The following NKAIN2 variants were observed in gnomAD, a reference collection of about 807,000 sequenced individuals.
NKAIN2 encodes the protein sodium/potassium-transporting ATPase subunit beta-1-interacting protein 2.
In NKAIN2, 14 loss-of-function variants were observed where a neutral mutation model predicts 32.6. The observed-to-expected ratio is 0.43, with a 90% confidence interval of 0.28 to 0.67. The LOEUF (loss-of-function observed/expected upper bound fraction) is 0.67, where lower values mean the gene tolerates loss of function less well. NKAIN2 is among the 30% of genes least tolerant of loss of function. NKAIN2 has a pLI of 0.17. For synonymous variants in NKAIN2, 80 were observed against 87.2 expected, an observed-to-expected ratio of 0.92 and a Z score of 0.46; for missense variants, 198 against 258.3, an observed-to-expected ratio of 0.77 and a Z score of 1.60.
rs10679200 is a variant in NKAIN2, at chr6:124,371,693, C to CAAA, written c.273+16363_273+16365dup. On this transcript the variant is annotated intron_variant, in intron 3 of 6. Transcript: ENST00000368417. ...TGGGGGAGAGAGCAAGACTCTGTCT[C>CAAA]AAAAAAAAAAAAAAAAAAAGAAAGA... Among the ~76,000 whole-genome samples the CAAA allele has an allele frequency of 3.9e-3, 370 of 95,488 alleles. 6 individuals are homozygous for CAAA. Among genetic ancestry groups the CAAA allele is most frequent in the East Asian group, 0.015 (50 of 3,386 alleles). The allele number at this position is 95,488 out of a possible 152,430, so 62.6% of individuals were successfully genotyped here. A position where few individuals can be genotyped will look rare whatever the true frequency, so the allele number is the denominator to read the frequency against.
intron 1 of NKAIN2, among the ~76,000 whole-genome samples, chr6:124,003,576 G>A (rs184827515): frequency 1.7e-4 from 26 of 152,222 alleles, no homozygotes; most frequent in African/African-American, 6.0e-4. Flanking sequence ...TTTTAATTCT[G>A]GGGGCATTAA....
chr6:124,333,367 A>G (rs755318487), intron 2 of NKAIN2, among the ~76,000 whole-genome samples: 32 of 152,284 alleles, frequency 2.1e-4, no homozygotes, highest in Non-Finnish European at 3.7e-4. Context: ...GGGAATAAAA[A>G]ATAAATGAAC....
intron 4 of NKAIN2, among the ~76,000 whole-genome samples, chr6:124,709,049 G>A (rs1330224063): frequency 1.6e-5 from 2 of 124,344 alleles, no homozygotes; most frequent in African/African-American, 6.4e-5. Flanking sequence ...TTAGCATTAA[G>A]GGTTGTTGAA....
At chr6:124,514,870 G>C (rs1002165809) in intron 3 of NKAIN2, among the ~76,000 whole-genome samples, 3 of 151,846 alleles carry the variant, frequency 2.0e-5, no homozygotes, top group Non-Finnish European at 4.4e-5. Context: ...AGTGAAGTTT[G>C]AGACTACTGC....
In NKAIN2 at chr6:124,468,730, C is replaced by T. The variant is rs1390172818; in HGVS notation, c.273+113383C>T. Among the ~76,000 whole-genome samples the T allele has an allele frequency of 8.5e-5, 13 of 152,050 alleles. No individual in the cohort carries two copies. The East Asian group carries it at 1.9e-3, about 23-fold the overall frequency. ...TGAAAAGAGCAAAAGAAACACTGAT[C>T]GATGAAACTTATATATGGGCCAAGT... On this transcript the variant is annotated intron_variant, in intron 3 of 6. Transcript: ENST00000368417.
At chr6:124,787,779 C>A (rs1779570336) in intron 4 of NKAIN2, among the ~76,000 whole-genome samples, 1 of 152,032 alleles carries the variant, frequency 6.6e-6, no homozygotes. Context: ...ACACTGGAGG[C>A]CCACTGATTA....
intron 1 of NKAIN2, among the ~76,000 whole-genome samples, chr6:123,899,529 C>T (rs12055674): frequency 0.014 from 2,162 of 152,204 alleles, 48 homozygotes; most frequent in East Asian, 0.11. Context: ...TTGGATTTGT[C>T]GAGAAAACTA....
At chr6:123,946,048 TAGTAAC>T (rs1187707289) in intron 1 of NKAIN2, among the ~76,000 whole-genome samples, 3 of 152,116 alleles carry the variant, frequency 2.0e-5, no homozygotes, top group African/African-American at 7.2e-5. Context: ...AATGTATAAT[TAGTAAC>T]AGTTATTTGA....
chr6:124,499,798 T>C (rs137866899), intron 3 of NKAIN2, among the ~76,000 whole-genome samples: 2,390 of 152,326 alleles, frequency 0.016, 65 homozygotes, highest in African/African-American at 0.055. Flanking sequence ...TACTGCAATT[T>C]ATTTTAAAAA....
At chr6:124,607,440 G>A (rs1782541024) in intron 3 of NKAIN2, among the ~76,000 whole-genome samples, 1 of 151,984 alleles carries the variant, frequency 6.6e-6, no homozygotes, top group African/African-American at 2.4e-5. Flanking sequence ...TGCCTTATTT[G>A]GGCATGATAC....
intron 4 of NKAIN2, among the ~76,000 whole-genome samples, chr6:124,710,766 G>A (rs1775403124): frequency 6.8e-6 from 1 of 146,630 alleles, no homozygotes; most frequent in Non-Finnish European, 1.5e-5. Context: ...CACACTGATG[G>A]GTCTTGACTC....
At chr6:124,511,040 G>C (rs991183719) in intron 3 of NKAIN2, among the ~76,000 whole-genome samples, 1 of 152,052 alleles carries the variant, frequency 6.6e-6, no homozygotes, top group Admixed American at 6.6e-5. Flanking sequence ...ATAACTATGT[G>C]CTACCCAGGA....
intron 1 of NKAIN2, among the ~76,000 whole-genome samples, chr6:123,844,662 C>G (rs1436082099): frequency 1.3e-5 from 2 of 152,202 alleles, no homozygotes; most frequent in Non-Finnish European, 2.9e-5. Context: ...TGCTTCTTCA[C>G]AAATGCTGTT....
chr6:124,234,544 G>T (rs1224571934), intron 1 of NKAIN2, among the ~76,000 whole-genome samples: 1 of 151,964 alleles, frequency 6.6e-6, no homozygotes, highest in Non-Finnish European at 1.5e-5. Context: ...TTCCTATTTA[G>T]CCAATTGCCC....
chr6:124,286,865 G>A (rs1346106940), intron 2 of NKAIN2, among the ~76,000 whole-genome samples: 1 of 151,890 alleles, frequency 6.6e-6, no homozygotes. Context: ...TATTTTTTCA[G>A]TAGAGACGAG....
chr6:124,115,082 T>C (rs1785547425), intron 1 of NKAIN2, among the ~76,000 whole-genome samples: 1 of 152,138 alleles, frequency 6.6e-6, no homozygotes, highest in African/African-American at 2.4e-5. Context: ...TGTCAATATG[T>C]CATTTACTAA....
At chr6:123,950,825 A>C (rs1399505776) in intron 1 of NKAIN2, among the ~76,000 whole-genome samples, 2 of 151,798 alleles carry the variant, frequency 1.3e-5, no homozygotes, top group African/African-American at 2.4e-5. Flanking sequence ...TTTTGCTTCT[A>C]CTAATTTGGG....
At chr6:124,593,969 C>A (rs983974568) in intron 3 of NKAIN2, among the ~76,000 whole-genome samples, 2 of 152,112 alleles carry the variant, frequency 1.3e-5, no homozygotes, top group Non-Finnish European at 2.9e-5. Context: ...TGACTTAATA[C>A]GTTTAAAGTC....
intron 1 of NKAIN2, among the ~76,000 whole-genome samples, chr6:124,278,650 CATAT>C (rs57008229): frequency 0.032 from 2,174 of 68,828 alleles, 46 homozygotes; most frequent in African/African-American, 0.053. Context: ...ATACATAGCT[CATAT>C]ATATATATAT....
Sources: gnomAD v4.1 joint callset for allele counts (sites outside exome capture counted in the v4.1 genomes callset) on GRCh38, gnomAD v4.1.1 for gene constraint, MANE v1.5 for transcripts, NCBI Gene and HGNC (gene_info 2026-07-23, HGNC 2026-07-21) for gene names.